Variants in ZMIZ1 observed in about 807,000 individuals in gnomAD.
ZMIZ1 encodes the protein zinc finger MIZ-type containing 1.
Under a neutral mutation model 113.9 loss-of-function variants are expected in ZMIZ1, and 17 were observed. The ratio of observed to expected loss-of-function variants is 0.15; its 90% CI spans 0.10 to 0.22. The LOEUF is 0.22. ZMIZ1 is among the 10% of genes least tolerant of loss of function. The pLI, the probability that ZMIZ1 is intolerant of heterozygous loss-of-function variation, is 1.00. For synonymous variants in ZMIZ1, 607 were observed against 603.1 expected (o/e 1.01, Z -0.09); for missense variants, 1,059 against 1,477.8 (o/e 0.72, Z 4.65).
chr10:79,114,470 T>C (rs1308208187), intron 1 of ZMIZ1, among the ~76,000 whole-genome samples: 2 of 100,222 alleles, frequency 2.0e-5, no homozygotes, highest in Non-Finnish European at 4.4e-5. Flanking sequence ...TGTATGTGTG[T>C]GTGTGTCTGT....
intron 4 of ZMIZ1, among the ~76,000 whole-genome samples, chr10:79,170,052 C>A (rs543094762): frequency 6.6e-6 from 1 of 152,308 alleles, no homozygotes; most frequent in South Asian, 2.1e-4. Flanking sequence ...GCTAGCACAC[C>A]CAGGCCACCT....
At chr10:79,253,035 C>T (rs1375092537) in intron 7 of ZMIZ1, among the ~76,000 whole-genome samples, 1 of 152,144 alleles carries the variant, frequency 6.6e-6, no homozygotes, top group Non-Finnish European at 1.5e-5. Flanking sequence ...AAGACACATC[C>T]CCTCCCCTCT....
intron 7 of ZMIZ1, among the ~76,000 whole-genome samples, chr10:79,250,819 G>A (rs1324538091): frequency 1.3e-5 from 2 of 152,176 alleles, no homozygotes; most frequent in Admixed American, 1.3e-4. Context: ...ACCCCTCGCT[G>A]AGAGGAAATT....
At chr10:79,292,987 AG>A (rs1252248482) in intron 11 of ZMIZ1, 1 of 435,892 alleles carries the variant, frequency 2.3e-6, no homozygotes, top group Non-Finnish European at 4.5e-6. Flanking sequence ...CTTCCAGGAA[AG>A]GGGCTGCAGT....
chr10:79,248,036 G>C (rs1219791764), intron 7 of ZMIZ1, among the ~76,000 whole-genome samples: 1 of 152,224 alleles, frequency 6.6e-6, no homozygotes, highest in African/African-American at 2.4e-5. Context: ...CAGAGAGGTG[G>C]GGAGAGAGGA....
At chr10:79,197,118 C>G (rs993268982) in intron 4 of ZMIZ1, among the ~76,000 whole-genome samples, 1 of 152,252 alleles carries the variant, frequency 6.6e-6, no homozygotes, top group Non-Finnish European at 1.5e-5. Context: ...GAAGGCCTGC[C>G]GGGCATGAGG....
At chr10:79,156,400 G>A (rs1845904180) in intron 3 of ZMIZ1, among the ~76,000 whole-genome samples, 1 of 152,158 alleles carries the variant, frequency 6.6e-6, no homozygotes, top group Non-Finnish European at 1.5e-5. Context: ...CCCAGCAGCA[G>A]GTACCAGCCA....
At chr10:79,256,720 C>T (rs1434883867) in intron 7 of ZMIZ1, among the ~76,000 whole-genome samples, 3 of 152,216 alleles carry the variant, frequency 2.0e-5, no homozygotes, top group Non-Finnish European at 4.4e-5. Flanking sequence ...GGTGATTTCT[C>T]TCCAGGGTCA....
At chr10:79,251,757 T>G (rs1326763210) in intron 7 of ZMIZ1, among the ~76,000 whole-genome samples, 2 of 152,200 alleles carry the variant, frequency 1.3e-5, no homozygotes, top group Non-Finnish European at 2.9e-5. Flanking sequence ...TGTGTAACTC[T>G]CAGGTATGTC....
At chr10:79,182,008 C>A (rs1385836713) in intron 4 of ZMIZ1, among the ~76,000 whole-genome samples, 1 of 152,178 alleles carries the variant, frequency 6.6e-6, no homozygotes, top group Non-Finnish European at 1.5e-5. Flanking sequence ...TCACCCAGTG[C>A]CAAGCTGGAG....
At chr10:79,200,157 G>A (rs1311858974) in intron 4 of ZMIZ1, among the ~76,000 whole-genome samples, 1 of 152,208 alleles carries the variant, frequency 6.6e-6, no homozygotes, top group Admixed American at 6.5e-5. Context: ...TGGGGAGTGC[G>A]ACAGAGTAGC....
intron 4 of ZMIZ1, among the ~76,000 whole-genome samples, chr10:79,170,096 C>T (rs1380924533): frequency 6.6e-6 from 1 of 152,228 alleles, no homozygotes; most frequent in Non-Finnish European, 1.5e-5. Context: ...CACCAGGCCC[C>T]TCTCCTGGAG....
rs576074347 is a variant in ZMIZ1 at position 79,139,744 on chromosome 10, C to T, written c.-164C>T. ...CTGCAAGGGGTGTGAGGAGAGGAGC[C>T]GCTGTTTTTCACTGAGCTGCCATAC... On this transcript the variant is annotated 5_prime_UTR_variant, in exon 3 of 25. Transcript: ENST00000334512. 5.3e-5 allele frequency: 21 copies of T among 398,668 alleles called. No individual in the cohort carries two copies. The highest frequency in any genetic ancestry group is 1.0e-4 in the African/African-American group (5 of 48,610). 24.7% of individuals were successfully genotyped at this position (398,668 alleles called of 1,614,324 possible). A position where few individuals can be genotyped will look rare whatever the true frequency, so the allele number is the denominator to read the frequency against.
At chr10:79,251,519 C>A (rs1313434040) in intron 7 of ZMIZ1, among the ~76,000 whole-genome samples, 1 of 152,070 alleles carries the variant, frequency 6.6e-6, no homozygotes, top group Non-Finnish European at 1.5e-5. Context: ...AGACACTCCC[C>A]CAACCCCTCA....
At chr10:79,077,642 C>G (rs996533279) in intron 1 of ZMIZ1, among the ~76,000 whole-genome samples, 4 of 152,240 alleles carry the variant, frequency 2.6e-5, no homozygotes, top group African/African-American at 9.6e-5. Flanking sequence ...GTGTTTCATG[C>G]TTTTCCCAGA....
intron 2 of ZMIZ1, among the ~76,000 whole-genome samples, chr10:79,125,481 TAA>T (rs977647808): frequency 3.9e-5 from 6 of 152,232 alleles, no homozygotes. Context: ...TGTAAGGTTG[TAA>T]AGAGTTTCCT....
intron 8 of ZMIZ1, among the ~76,000 whole-genome samples, chr10:79,288,105 T>A (rs1323945122): frequency 1.3e-5 from 2 of 152,126 alleles, no homozygotes; most frequent in Non-Finnish European, 2.9e-5. Flanking sequence ...GAGGGGCAAG[T>A]ATGAGCAGAC....
chr10:79,126,956 C>A (rs1844537913), intron 2 of ZMIZ1, among the ~76,000 whole-genome samples: 1 of 152,172 alleles, frequency 6.6e-6, no homozygotes, highest in Non-Finnish European at 1.5e-5. Context: ...GTTTGCCAGG[C>A]TGGACCAACC....
At chr10:79,302,565 G>A (rs1854379584) in intron 18 of ZMIZ1, among the ~76,000 whole-genome samples, 1 of 63,496 alleles carries the variant, frequency 1.6e-5, no homozygotes, top group African/African-American at 4.1e-5. Flanking sequence ...TGGAGGAGGT[G>A]ATGACCTGGG....
Sources: gnomAD v4.1 joint callset for allele counts (sites outside exome capture counted in the v4.1 genomes callset) on GRCh38, gnomAD v4.1.1 for gene constraint, MANE v1.5 for transcripts, NCBI Gene and HGNC (gene_info 2026-07-23, HGNC 2026-07-21) for gene names.